The following SLC66A2 variants were observed in gnomAD, a reference collection of about 807,000 sequenced individuals.
The protein encoded by SLC66A2 is PQ loop repeat containing 1.
A neutral mutation model predicts 25.5 loss-of-function variants in SLC66A2; 23 were observed. The observed-to-expected ratio is 0.90, with a 90% CI of 0.65 to 1.28. The LOEUF is 1.28. Among genes scored for constraint, SLC66A2 ranks in the 50% most tolerant of loss-of-function variants. SLC66A2 has a pLI of 0.00. For synonymous variants in SLC66A2, 193 were observed against 166.5 expected, an observed-to-expected ratio of 1.16 and a Z score of -1.23; for missense variants, 396 against 373.1, an observed-to-expected ratio of 1.06 and a Z score of -0.51.
In SLC66A2 at chr18:79,915,126, T is replaced by A. The variant is rs188190779; in HGVS notation, c.608+4058A>T. On this transcript the variant is annotated intron_variant, in intron 5 of 5. Transcript: ENST00000397778. The stretch of plus-strand genomic sequence containing the variant: ...CCACAAGCAGACCCCAGACTTTGCC[T>A]GGCTGGCAGGCATGGGGTCAGGCTG... 8.3e-3 allele frequency among the ~76,000 whole-genome samples: 1,264 copies of A among 152,330 alleles called. 13 individuals are homozygous for A. Among genetic ancestry groups the A allele is most frequent in the Middle Eastern group, 0.014 (4 of 294 alleles).
At position 79,917,589 on chromosome 18, in the gene SLC66A2, G is replaced by A. The variant is rs973368961; in HGVS notation, c.608+1595C>T. 7.2e-5 allele frequency among the ~76,000 whole-genome samples: 11 copies of A among 152,066 alleles called. No homozygotes were observed. The highest frequency in any genetic ancestry group is 1.2e-4 in the Non-Finnish European group (8 of 67,974). ...CGCCGGACAAGGCCCACGTCCAGCC[G>A]GGGAGCCTACATACGACGCCCGCCC... is the stretch of plus-strand genomic sequence containing the variant. On this transcript the variant is annotated intron_variant, in intron 5 of 5. Transcript: ENST00000397778. The surrounding 1 kb of genome is among the most constrained non-coding windows in gnomAD (Gnocchi z 6.0).
Position 79,904,982 on chromosome 18 carries a change from C to T in SLC66A2, c.609-799G>A, listed in dbSNP as rs1981864055. On this transcript the variant is annotated intron_variant, in intron 5 of 5. Transcript: ENST00000397778. This position sits in a 1 kb window ranked among gnomAD's most constrained non-coding sequence, Gnocchi z 6.3. ...CTCCCCCACCCTGGGGCGTCCGTCC[C>T]GCTCATAAGCCAGGGTGGGCACCTG... 6.6e-6 allele frequency among the ~76,000 whole-genome samples: 1 copy of T among 152,192 alleles called. No homozygotes were observed. The highest frequency in any genetic ancestry group is 1.5e-5 in the Non-Finnish European group (1 of 68,028).
chr18:79,926,531 G>A (rs115710493), intron 4 of SLC66A2, among the ~76,000 whole-genome samples: 197 of 152,190 alleles, frequency 1.3e-3, no homozygotes, highest in African/African-American at 4.6e-3. Flanking sequence ...CTCGATGGGC[G>A]CTCGCAGGAC....
At chr18:79,943,620 C>G (rs1026350858) in intron 2 of SLC66A2, 158 bp from the exon 3 acceptor site, 1 of 814,636 alleles carries the variant, frequency 1.2e-6, no homozygotes, top group Non-Finnish European at 1.9e-6. Flanking sequence ...GTCAGGCCCA[C>G]CCACATCGCC....
intron 3 of SLC66A2, among the ~76,000 whole-genome samples, chr18:79,942,891 T>C (rs948585159): frequency 6.6e-6 from 1 of 152,152 alleles, no homozygotes; most frequent in African/African-American, 2.4e-5. Flanking sequence ...TTTAACAAGG[T>C]CTGTGAGGAA....
rs1385024542 is a variant in SLC66A2 at position 79,903,995 on chromosome 18, G to A, written c.797C>T (p.Thr266Ile). The A allele has an allele frequency of 2.5e-6, 4 of 1,603,490 alleles. No individual in the cohort carries two copies. The highest frequency in any genetic ancestry group is 3.4e-6 in the Non-Finnish European group (4 of 1,176,524). Residue 266 changes from threonine (T) to isoleucine (I), a missense_variant, in exon 6 of 6, where the codon ACT becomes ATT. Physicochemically the swap from Thr to Ile is moderately conservative, Grantham distance 89. Coordinates refer to ENST00000397778, the MANE Select transcript of SLC66A2 (RefSeq NM_025078.5). ...QKPAPHAVHP[T>I]GTKAL ...CCACTGTCAGAGGGCCTTGGTGCCA[G>A]TGGGGTGCACGGCGTGGGGCGCCGG...
chr18:79,922,340 G>A (rs562131457), intron 4 of SLC66A2, among the ~76,000 whole-genome samples: 8 of 151,502 alleles, frequency 5.3e-5, no homozygotes, highest in East Asian at 2.0e-4. Flanking sequence ...CTGAGAAGCC[G>A]TAGAGTGCAG....
chr18:79,947,635 C>T (rs1281420068), intron 2 of SLC66A2, among the ~76,000 whole-genome samples: 13 of 141,030 alleles, frequency 9.2e-5, no homozygotes, highest in African/African-American at 2.3e-4. Context: ...AGCCTGCCCC[C>T]GCCCCACCTC....
rs1366893480 is a variant in SLC66A2 at position 79,917,891 on chromosome 18, C to T, written c.608+1293G>A. On this transcript the variant is annotated intron_variant, in intron 5 of 5. Coordinates refer to ENST00000397778, the MANE Select transcript of SLC66A2 (RefSeq NM_025078.5). The surrounding 1 kb of genome is among the most constrained non-coding windows in gnomAD (Gnocchi z 6.0). ...CCATGCCAGCACCCCACACCTGACC[C>T]ATGCCCCACACCTCTACCTACAGCC... Among the ~76,000 whole-genome samples, 2 of 151,904 alleles carry T rather than the reference C, an allele frequency of 1.3e-5. No homozygotes were observed. Among genetic ancestry groups the T allele is most frequent in the Non-Finnish European group, 2.9e-5 (2 of 67,944 alleles).
Position 79,940,322 on chromosome 18 carries a change from G to T in SLC66A2, c.337+3007C>A, listed in dbSNP as rs1260338221. 1.3e-5 allele frequency among the ~76,000 whole-genome samples: 2 copies of T among 152,126 alleles called. No individual in the cohort carries two copies. The highest frequency in any genetic ancestry group is 4.8e-5 in the African/African-American group (2 of 41,418). On this transcript the variant is annotated intron_variant, in intron 3 of 5. Coordinates refer to ENST00000397778, the MANE Select transcript of SLC66A2 (RefSeq NM_025078.5). This position sits in a 1 kb window ranked among gnomAD's most constrained non-coding sequence, Gnocchi z 4.1. ...GGGTGATGAAATAATCTGCACACTG[G>T]CCGGGCGCAGTGGGTCACGCCCGTA...
intron 2 of SLC66A2, among the ~76,000 whole-genome samples, chr18:79,946,504 G>C (rs1368155460): frequency 6.6e-6 from 1 of 152,254 alleles, no homozygotes; most frequent in Non-Finnish European, 1.5e-5. Flanking sequence ...CAGCCCACCT[G>C]TGTGGTGCAG....
At chr18:79,929,123 A>G (rs1440068057) in intron 4 of SLC66A2, among the ~76,000 whole-genome samples, 4 of 152,238 alleles carry the variant, frequency 2.6e-5, no homozygotes, top group Non-Finnish European at 4.4e-5. Flanking sequence ...AAGAGGAGCT[A>G]GAAGCTCCAT....
chr18:79,922,136 TAACTC>T lies in SLC66A2; in HGVS notation c.392-2741_392-2737del, dbSNP rs556772162. ...CCTGAAGGAGCCTTGGTACAAATAA[TAACTC>T]AACATAAAAGACGCTGACATCAGGC... On this transcript the variant is annotated intron_variant, in intron 4 of 5. Coordinates refer to ENST00000397778, the MANE Select transcript of SLC66A2 (RefSeq NM_025078.5). Among the ~76,000 whole-genome samples, 9 of 151,980 alleles carry T rather than the reference TAACTC, an allele frequency of 5.9e-5. No homozygotes were observed. The East Asian group carries it at 1.2e-3, about 20-fold the overall frequency.
At chr18:79,949,681 A>T (rs993115237) in intron 2 of SLC66A2, 1 of 152,440 alleles carries the variant, frequency 6.6e-6, no homozygotes, top group African/African-American at 2.4e-5. Context: ...ACAAAACAAA[A>T]CTAACAGGCA....
At chr18:79,920,259 G>C (rs1237616928) in intron 4 of SLC66A2, among the ~76,000 whole-genome samples, 1 of 54,198 alleles carries the variant, frequency 1.8e-5, no homozygotes, top group African/African-American at 6.1e-5. Flanking sequence ...AGAGGTCAGG[G>C]TCAGTGAGGA....
chr18:79,907,427 C>G (rs921668839), intron 5 of SLC66A2, among the ~76,000 whole-genome samples: 1 of 138,180 alleles, frequency 7.2e-6, no homozygotes, highest in African/African-American at 2.6e-5. Flanking sequence ...TCTCAGCTCA[C>G]TGCAAGCTCC....
At chr18:79,907,067 A>G (rs898639743) in intron 5 of SLC66A2, among the ~76,000 whole-genome samples, 2 of 152,222 alleles carry the variant, frequency 1.3e-5, no homozygotes, top group African/African-American at 2.4e-5. Context: ...TCAGACTTCA[A>G]TTGAGTTTGC....
In SLC66A2 at chr18:79,904,188, G is replaced by A; in HGVS notation, c.609-5C>T. On this transcript the variant is annotated splice_polypyrimidine_tract_variant and splice_region_variant and intron_variant, in intron 5 of 5. Coordinates refer to ENST00000397778, the MANE Select transcript of SLC66A2 (RefSeq NM_025078.5). The surrounding 1 kb of genome is among the most constrained non-coding windows in gnomAD (Gnocchi z 6.3). ...CACATGAGCACCATCTTGATGCTGT[G>A]GAGACACAAGCAGGCGGTCAGCGGT... 2 of 1,612,274 alleles carry A rather than the reference G, an allele frequency of 1.2e-6. No homozygotes were observed. The highest frequency in any genetic ancestry group is 1.1e-5 in the South Asian group (1 of 91,070).
intron 5 of SLC66A2, among the ~76,000 whole-genome samples, chr18:79,910,206 TAG>T (rs761959099): frequency 5.2e-5 from 4 of 76,620 alleles, no homozygotes; most frequent in African/African-American, 5.3e-5. Context: ...ATCCTCACCA[TAG>T]AGTCCCCAAC....
Sources: gnomAD v4.1 joint callset for allele counts (sites outside exome capture counted in the v4.1 genomes callset) on GRCh38, gnomAD v4.1.1 for gene constraint, Gnocchi (gnomAD v3.1) non-coding constraint, MANE v1.5 for transcripts, NCBI Gene and HGNC (gene_info 2026-07-23, HGNC 2026-07-21) for gene names.